Variants in EPC2 observed in about 807,000 individuals in gnomAD.
EPC2 encodes the protein enhancer of polycomb homolog 2.
EPC2 carries 14 observed loss-of-function variants against 92.1 expected under a neutral mutation model. That is an observed-to-expected ratio of 0.15 (90% CI 0.10 to 0.24). The LOEUF (loss-of-function observed/expected upper bound fraction) is 0.24, where lower values mean the gene tolerates loss of function less well. EPC2 is among the 10% of genes least tolerant of loss of function. The pLI, the probability that EPC2 is intolerant of heterozygous loss-of-function variation, is 1.00. For missense variants in EPC2, 755 were observed against 971.5 expected, an observed-to-expected ratio of 0.78 and a Z score of 2.96; for synonymous variants, 340 against 334.7, an observed-to-expected ratio of 1.02 and a Z score of -0.17.
chr2:148,737,840 A>G (rs1682794555), intron 2 of EPC2, among the ~76,000 whole-genome samples: 1 of 151,692 alleles, frequency 6.6e-6, no homozygotes, highest in Non-Finnish European at 1.5e-5. Flanking sequence ...AAAAAATCTC[A>G]TAATGTTTTA....
intron 3 of EPC2, 133 bp from the exon 4 acceptor site, chr2:148,753,792 TTG>T: frequency 1.6e-6 from 1 of 644,424 alleles, no homozygotes; most frequent in Non-Finnish European, 2.6e-6. Context: ...TTGAATTGAA[TTG>T]TGTCTTCACT....
intron 2 of EPC2, among the ~76,000 whole-genome samples, chr2:148,696,933 G>T (rs1378077655): frequency 6.6e-6 from 1 of 152,110 alleles, no homozygotes; most frequent in Non-Finnish European, 1.5e-5. Flanking sequence ...AAATTTTAAA[G>T]AAGTCTAAAC....
chr2:148,694,120 A>T lies in EPC2; in HGVS notation c.313+3747A>T, dbSNP rs183270096. ...ATATACTCCATGGCATTTTCGAGCC[A>T]TCAGTATTTGTTGGACTAAAAATTG... On this transcript the variant is annotated intron_variant, in intron 2 of 13. Transcript: ENST00000258484. Among the ~76,000 whole-genome samples, 48 of 152,378 alleles carry T rather than the reference A, an allele frequency of 3.2e-4. No homozygotes were observed. In the East Asian group the frequency reaches 8.5e-3, roughly 27 times the overall value.
intron 2 of EPC2, among the ~76,000 whole-genome samples, chr2:148,709,356 A>C (rs1682080798): frequency 6.6e-6 from 1 of 152,250 alleles, no homozygotes; most frequent in Non-Finnish European, 1.5e-5. Flanking sequence ...GACACAAACA[A>C]ATGGAAGAAC....
intron 2 of EPC2, among the ~76,000 whole-genome samples, chr2:148,713,171 A>G (rs745837495): frequency 2.6e-5 from 4 of 152,220 alleles, no homozygotes; most frequent in African/African-American, 4.8e-5. Flanking sequence ...AGCCTTAGGC[A>G]GGTCCTTCAG....
chr2:148,736,051 T>C (rs1012537225), intron 2 of EPC2, among the ~76,000 whole-genome samples: 4 of 152,112 alleles, frequency 2.6e-5, no homozygotes, highest in African/African-American at 9.7e-5. Context: ...CTAATGTAAA[T>C]CAAGCAGGAA....
At chr2:148,736,838 G>A (rs1439033906) in intron 2 of EPC2, among the ~76,000 whole-genome samples, 1 of 151,906 alleles carries the variant, frequency 6.6e-6, no homozygotes, top group Non-Finnish European at 1.5e-5. Flanking sequence ...GATGGCTCAT[G>A]CCTGTAGTTT....
chr2:148,783,693 A>G lies in EPC2; in HGVS notation c.1954A>G (p.Ser652Gly). 2 of 1,596,160 alleles carry G rather than the reference A, an allele frequency of 1.3e-6. No individual in the cohort carries two copies. The highest frequency in any genetic ancestry group is 1.1e-5 in the South Asian group (1 of 87,996). The change falls in exon 12 of 14, where the codon AGT (serine) becomes GGT (glycine). Residue 652 changes from serine to glycine, a missense_variant. Transcript: ENST00000258484. Reference protein sequence around the residue: ...AVVSAPVPSRSEVAKEQNTGH... With the variant: ...AVVSAPVPSRGEVAKEQNTGH... Reference sequence around the variant, plus strand: ...GGTCAGTGCACCTGTTCCAAGTCGCAGTGAGGTAGCCAAGGAACAGAACAC... The same window carrying G: ...GGTCAGTGCACCTGTTCCAAGTCGCGGTGAGGTAGCCAAGGAACAGAACAC...
At chr2:148,782,109 C>T (rs886444331) in intron 11 of EPC2, among the ~76,000 whole-genome samples, 2 of 152,142 alleles carry the variant, frequency 1.3e-5, no homozygotes, top group Admixed American at 6.6e-5. Context: ...AAAGATAAAA[C>T]TTTCCTAACC....
At chr2:148,707,377 A>G (rs1015071675) in intron 2 of EPC2, among the ~76,000 whole-genome samples, 3 of 152,230 alleles carry the variant, frequency 2.0e-5, no homozygotes, top group African/African-American at 7.2e-5. Flanking sequence ...AAAGCGACTT[A>G]GACTCCCACA....
intron 13 of EPC2, among the ~76,000 whole-genome samples, chr2:148,785,542 A>G (rs1433129567): frequency 6.6e-6 from 1 of 152,032 alleles, no homozygotes; most frequent in Non-Finnish European, 1.5e-5. Context: ...TGGCCGGGAT[A>G]GTCTCAATCT....
chr2:148,656,023 G>GTT lies in EPC2; in HGVS notation c.153+10854_153+10855insTT, dbSNP rs1259147923. ...TAGCTGTGTGTGTGTGTGTGTGTGT[G>GTT]TGGGGGGGGGGGGGGTTATTCTAGA... On this transcript the variant is annotated intron_variant, in intron 1 of 13. Coordinates refer to ENST00000258484, the MANE Select transcript of EPC2 (RefSeq NM_015630.4). Among the ~76,000 whole-genome samples the GTT allele has an allele frequency of 1.8e-4, 20 of 113,708 alleles. 1 individual carries two copies. Among genetic ancestry groups the GTT allele is most frequent in the African/African-American group, 7.0e-4 (20 of 28,588 alleles). The allele number at this position is 113,708 out of a possible 152,430, so 74.6% of individuals were successfully genotyped here. A position where few individuals can be genotyped will look rare whatever the true frequency, so the allele number is the denominator to read the frequency against.
chr2:148,783,637 C>T lies in EPC2; in HGVS notation c.1898C>T (p.Ser633Leu), dbSNP rs1234808908. The T allele has an allele frequency of 6.2e-7, 1 of 1,607,568 alleles. No individual in the cohort carries two copies. The highest frequency in any genetic ancestry group is 1.7e-5 in the Admixed American group (1 of 59,146). The change falls in exon 12 of 14, where the codon TCA becomes TTA. Residue 633 changes from serine (S) to leucine (L), a missense_variant. By Grantham distance (145) the Ser-to-Leu change is moderately radical. This residue lies in a region of EPC2 where 207 missense variants were observed against 260.5 expected (regional missense o/e 0.79). Coordinates refer to ENST00000258484, the MANE Select transcript of EPC2 (RefSeq NM_015630.4). ...TSDCMSKTLD[S>L]ASAHFAASAV... is the part of the protein sequence containing the mutation. ...GACTGTATGTCTAAAACACTTGACT[C>T]AGCCAGCGCCCACTTTGCTGCATCT... is the stretch of plus-strand genomic sequence containing the variant.
chr2:148,715,816 T>C (rs776589883), intron 2 of EPC2, among the ~76,000 whole-genome samples: 38 of 152,356 alleles, frequency 2.5e-4, no homozygotes, highest in Non-Finnish European at 4.4e-4. Flanking sequence ...TTTTGGGCAG[T>C]GTGACCATTT....
intron 2 of EPC2, among the ~76,000 whole-genome samples, chr2:148,702,304 T>C (rs1053014013): frequency 6.6e-6 from 1 of 152,220 alleles, no homozygotes; most frequent in African/African-American, 2.4e-5. Flanking sequence ...AAATAGCTTT[T>C]TCTGGGGATT....
At chr2:148,672,884 G>A (rs1401066954) in intron 1 of EPC2, among the ~76,000 whole-genome samples, 1 of 152,138 alleles carries the variant, frequency 6.6e-6, no homozygotes, top group Non-Finnish European at 1.5e-5. Context: ...AGGGTCAGTA[G>A]CGATGAACTC....
chr2:148,714,641 A>AT (rs1682220540), intron 2 of EPC2, among the ~76,000 whole-genome samples: 1 of 151,972 alleles, frequency 6.6e-6, no homozygotes, highest in South Asian at 2.1e-4. Context: ...TGTGGTTTTG[A>AT]TTTGCATTTC....
intron 1 of EPC2, among the ~76,000 whole-genome samples, chr2:148,663,285 CT>C (rs1282599297): frequency 4.0e-5 from 6 of 149,772 alleles, no homozygotes; most frequent in Admixed American, 3.3e-4. Context: ...GTGGCGCTAT[CT>C]TGGCTCACTG....
chr2:148,761,738 G>C, intron 4 of EPC2, 44 bp from the exon 5 acceptor site: 2 of 1,309,062 alleles, frequency 1.5e-6, no homozygotes, highest in South Asian at 3.2e-5. Flanking sequence ...CGGAAATGTA[G>C]ATAACTGTGT....
Sources: gnomAD v4.1 joint callset for allele counts (sites outside exome capture counted in the v4.1 genomes callset) on GRCh38, gnomAD v4.1.1 for gene constraint, gnomAD v4.1.1 regional missense constraint, MANE v1.5 for transcripts, NCBI Gene and HGNC (gene_info 2026-07-23, HGNC 2026-07-21) for gene names.